Variants in FAM117B observed in about 807,000 individuals in gnomAD.
FAM117B encodes the protein protein FAM117B.
FAM117B carries 22 observed loss-of-function variants against 52.8 expected under a neutral mutation model. The ratio of observed to expected loss-of-function variants is 0.42; its 90% CI spans 0.30 to 0.59. The LOEUF (loss-of-function observed/expected upper bound fraction) is 0.59. FAM117B is among the 20% of genes least tolerant of loss of function. FAM117B has a pLI of 0.22. For missense variants in FAM117B, 678 were observed against 802.6 expected (o/e 0.84, Z 1.88); for synonymous variants, 309 against 324.1 (o/e 0.95, Z 0.50).
At chr2:202,696,614 CTT>C (rs553962618) in intron 2 of FAM117B, among the ~76,000 whole-genome samples, 88 of 152,264 alleles carry the variant, frequency 5.8e-4, no homozygotes, top group African/African-American at 2.0e-3. Context: ...GACCATCTAA[CTT>C]TACGTTTTTG....
chr2:202,689,112 G>T (rs1306235241), intron 1 of FAM117B, among the ~76,000 whole-genome samples: 3 of 152,082 alleles, frequency 2.0e-5, no homozygotes, highest in Admixed American at 2.0e-4. Flanking sequence ...TATGTCCAAG[G>T]GTAGACAGAT....
At chr2:202,695,247 C>T (rs1690692226) in intron 1 of FAM117B, among the ~76,000 whole-genome samples, 1 of 151,882 alleles carries the variant, frequency 6.6e-6, no homozygotes, top group African/African-American at 2.4e-5. Flanking sequence ...TGTTTATATA[C>T]AGTAATCCTT....
At chr2:202,723,365 T>G (rs984256039) in intron 2 of FAM117B, among the ~76,000 whole-genome samples, 1 of 152,214 alleles carries the variant, frequency 6.6e-6, no homozygotes, top group African/African-American at 2.4e-5. Context: ...ATGTACAAAA[T>G]TCAGAAGGTA....
At position 202,759,295 on chromosome 2, in the gene FAM117B, A is replaced by G. The variant is rs754336420; in HGVS notation, c.1393A>G (p.Met465Val). The change falls in exon 7 of 8, where the codon ATG becomes GTG. Residue 465 changes from methionine (M) to valine (V), a missense_variant. Physicochemically the swap from Met to Val is conservative, Grantham distance 21. Transcript: ENST00000392238. ...ATSPKPNNSY[M>V]FKREPPEGCE... ...CTCACCAAAACCTAACAACAGTTATATGTTCAAAAGGGAACCTCCTGAGGG... is the reference window on the plus strand; with the variant it reads ...CTCACCAAAACCTAACAACAGTTATGTGTTCAAAAGGGAACCTCCTGAGGG... 15 of 1,614,156 alleles carry G rather than the reference A, an allele frequency of 9.3e-6. No homozygotes were observed. The Admixed American group carries it at 1.0e-4, about 11-fold the overall frequency.
At chr2:202,707,226 T>G (rs1690884491) in intron 2 of FAM117B, among the ~76,000 whole-genome samples, 1 of 151,748 alleles carries the variant, frequency 6.6e-6, no homozygotes, top group African/African-American at 2.4e-5. Flanking sequence ...TTTTTTTTTT[T>G]TTTGTAGAGA....
chr2:202,724,836 T>A, intron 2 of FAM117B, 81 bp from the exon 3 acceptor site: 1 of 965,046 alleles, frequency 1.0e-6, no homozygotes, highest in Non-Finnish European at 1.5e-6. Context: ...AATGGAAATA[T>A]GTTTTATAAT....
intron 1 of FAM117B, among the ~76,000 whole-genome samples, chr2:202,684,771 C>G (rs1020967665): frequency 6.6e-6 from 1 of 151,896 alleles, no homozygotes; most frequent in African/African-American, 2.4e-5. Flanking sequence ...ATATATTAAA[C>G]AAGATCATGT....
At position 202,768,735 on chromosome 2, in the gene FAM117B, A is replaced by G. The variant is rs1287102954; in HGVS notation, c.*2971A>G. On this transcript the variant is annotated 3_prime_UTR_variant, in exon 8 of 8. Transcript: ENST00000392238. The stretch of plus-strand genomic sequence containing the variant: ...TTATTGTTATTCTGTAGAAAACTGT[A>G]CAGAAGGTAAATAGAATAGCTTCAA... 6.6e-6 allele frequency: 1 copy of G among 152,580 alleles called. No homozygotes were observed. Among genetic ancestry groups the G allele is most frequent in the Non-Finnish European group, 1.5e-5 (1 of 68,016 alleles). The allele number at this position is 152,580 out of a possible 1,614,324, so 9.5% of individuals were successfully genotyped here.
chr2:202,676,568 C>T (rs1053615167), intron 1 of FAM117B, among the ~76,000 whole-genome samples: 3 of 151,806 alleles, frequency 2.0e-5, no homozygotes, highest in South Asian at 2.1e-4. Context: ...TTAGTAGAGA[C>T]GGGGTTTCAC....
At chr2:202,696,353 C>T (rs10180389) in intron 2 of FAM117B, among the ~76,000 whole-genome samples, 12,038 of 151,986 alleles carry the variant, frequency 0.079, 1,595 homozygotes, top group African/African-American at 0.27. Flanking sequence ...CTTCCCTGGG[C>T]CACATTGGAA....
At chr2:202,666,601 C>CTT (rs1399391869) in intron 1 of FAM117B, among the ~76,000 whole-genome samples, 1 of 150,698 alleles carries the variant, frequency 6.6e-6, no homozygotes, top group African/African-American at 2.4e-5. Flanking sequence ...TTACAGACAA[C>CTT]TTTCACTTTC....
chr2:202,665,675 A>G (rs956300757), intron 1 of FAM117B, among the ~76,000 whole-genome samples: 9 of 152,162 alleles, frequency 5.9e-5, no homozygotes, highest in African/African-American at 2.2e-4. Context: ...ATCTCGGCTC[A>G]CTGCAACTTC....
chr2:202,747,287 A>G (rs1256080013), intron 4 of FAM117B, among the ~76,000 whole-genome samples: 1 of 152,216 alleles, frequency 6.6e-6, no homozygotes, highest in Non-Finnish European at 1.5e-5. Flanking sequence ...TTGACATAAT[A>G]AAAGCAATAG....
chr2:202,724,816 A>T, intron 2 of FAM117B, 101 bp from the exon 3 acceptor site: 1 of 795,052 alleles, frequency 1.3e-6, no homozygotes, highest in Non-Finnish European at 1.8e-6. Flanking sequence ...TTAATGTCTA[A>T]TTTTTTTGTA....
At chr2:202,744,004 T>C (rs1248011279) in intron 4 of FAM117B, among the ~76,000 whole-genome samples, 2 of 152,200 alleles carry the variant, frequency 1.3e-5, no homozygotes, top group East Asian at 3.8e-4. Flanking sequence ...GATATGGATA[T>C]ACAGATACAG....
chr2:202,737,254 G>A (rs1691454235), intron 4 of FAM117B, among the ~76,000 whole-genome samples: 2 of 151,954 alleles, frequency 1.3e-5, no homozygotes. Flanking sequence ...GACAATATTA[G>A]GCAGGTAAAG....
chr2:202,706,783 G>A (rs1212642500), intron 2 of FAM117B, among the ~76,000 whole-genome samples: 2 of 152,200 alleles, frequency 1.3e-5, no homozygotes, highest in Admixed American at 6.5e-5. Flanking sequence ...AAATTAGAAT[G>A]TAACAGGAGT....
intron 1 of FAM117B, among the ~76,000 whole-genome samples, chr2:202,693,980 G>A (rs1690670607): frequency 6.6e-6 from 1 of 152,182 alleles, no homozygotes; most frequent in South Asian, 2.1e-4. Flanking sequence ...TAGTTTTAAT[G>A]TGGTCCATTT....
chr2:202,692,686 T>A (rs1690653235), intron 1 of FAM117B, among the ~76,000 whole-genome samples: 2 of 152,218 alleles, frequency 1.3e-5, no homozygotes, highest in South Asian at 4.1e-4. Context: ...TATGAAATTT[T>A]ACGTATCATC....
Sources: gnomAD v4.1 joint callset for allele counts (sites outside exome capture counted in the v4.1 genomes callset) on GRCh38, gnomAD v4.1.1 for gene constraint, MANE v1.5 for transcripts, NCBI Gene and HGNC (gene_info 2026-07-23, HGNC 2026-07-21) for gene names.